FNTA: variants seen among roughly 807,000 people sequenced by gnomAD.
The protein encoded by FNTA is farnesyltransferase, CAAX box, subunit alpha.
Under a neutral mutation model 55.2 loss-of-function variants are expected in FNTA, and 27 were observed. That is an observed-to-expected ratio of 0.49 (90% CI 0.36 to 0.67). The LOEUF (loss-of-function observed/expected upper bound fraction) is 0.67. Ranked by LOEUF, FNTA falls within the 30% of genes least tolerant of loss-of-function variation. The pLI, the probability that FNTA is intolerant of heterozygous loss-of-function variation, is 0.00. For missense variants in FNTA, 422 were observed against 464.7 expected (o/e 0.91, Z 0.85); for synonymous variants, 176 against 170.7 (o/e 1.03, Z -0.24).
chr8:43,064,561 C>T (rs941830250), intron 3 of FNTA, among the ~76,000 whole-genome samples: 2 of 152,048 alleles, frequency 1.3e-5, no homozygotes, highest in Non-Finnish European at 2.9e-5. Flanking sequence ...GTGATCCACT[C>T]CCCGCGGCCT....
chr8:43,077,570 A>G, intron 6 of FNTA: 1 of 367,784 alleles, frequency 2.7e-6, no homozygotes, highest in Non-Finnish European at 4.8e-6. Context: ...AAATATTGCT[A>G]CTGGAGATTG....
chr8:43,064,820 A>G (rs1401272911), intron 3 of FNTA, among the ~76,000 whole-genome samples: 1 of 150,176 alleles, frequency 6.7e-6, no homozygotes, highest in Non-Finnish European at 1.5e-5. Context: ...ATTTTATTTT[A>G]TTTTATTTTA....
At chr8:43,079,679 T>C (rs1586661325) in intron 6 of FNTA, 2 of 152,234 alleles carry the variant, frequency 1.3e-5, no homozygotes, top group South Asian at 4.1e-4. Flanking sequence ...GATTTTAAAG[T>C]CTCACTATTT....
chr8:43,062,641 A>C (rs1201667134), intron 2 of FNTA, among the ~76,000 whole-genome samples: 1 of 152,206 alleles, frequency 6.6e-6, no homozygotes, highest in Non-Finnish European at 1.5e-5. Flanking sequence ...AATTTTGTGA[A>C]GAGGAGTAAT....
intron 6 of FNTA, 36 bp downstream of exon 6, chr8:43,077,400 A>C: frequency 6.4e-7 from 1 of 1,559,512 alleles, no homozygotes; most frequent in Non-Finnish European, 8.8e-7. Context: ...TTCGTTACAA[A>C]CATGTTTGCA....
chr8:43,069,872 G>T (rs1810747536), intron 4 of FNTA, among the ~76,000 whole-genome samples: 2 of 151,818 alleles, frequency 1.3e-5, no homozygotes, highest in Non-Finnish European at 2.9e-5. Flanking sequence ...TCGAACTTCT[G>T]ACCTCAGGTG....
At chr8:43,069,116 T>G (rs767046304) in intron 3 of FNTA, among the ~76,000 whole-genome samples, 2 of 151,224 alleles carry the variant, frequency 1.3e-5, no homozygotes, top group African/African-American at 4.9e-5. Context: ...TATGTATAAT[T>G]TTTTTTTTGG....
chr8:43,071,288 A>G (rs956631995), intron 4 of FNTA, among the ~76,000 whole-genome samples: 38 of 152,184 alleles, frequency 2.5e-4, no homozygotes, highest in African/African-American at 8.4e-4. Context: ...GTTTTAGAAC[A>G]TTTTCACTAA....
chr8:43,077,329 C>A lies in FNTA; in HGVS notation c.747C>A (p.Gly249=), dbSNP rs1387045348. ...ACTTCGTTATTTCTAACACCACTGG[C>A]TACAATGATCGTGCTGTATTGGAGA... ...QRYFVISNTT[G]YNDRAVLERE... is the part of the protein sequence containing the mutation. Residue 249 remains glycine (G), a synonymous_variant, in exon 6 of 9, where the codon GGC becomes GGA. Coordinates refer to ENST00000302279, the MANE Select transcript of FNTA (RefSeq NM_002027.3). 1 of 1,612,952 alleles carries A rather than the reference C, an allele frequency of 6.2e-7. No homozygotes were observed. The highest frequency in any genetic ancestry group is 1.3e-5 in the African/African-American group (1 of 74,900).
At chr8:43,078,704 G>C (rs1194459998) in intron 6 of FNTA, 1 of 152,182 alleles carries the variant, frequency 6.6e-6, no homozygotes, top group Non-Finnish European at 1.5e-5. Flanking sequence ...AGTGTCCTCT[G>C]AGTGTTCAAG....
intron 5 of FNTA, among the ~76,000 whole-genome samples, chr8:43,074,323 C>T (rs1001357062): frequency 7.2e-5 from 11 of 152,102 alleles, no homozygotes; most frequent in Non-Finnish European, 1.3e-4. Context: ...CAGGAGTTCA[C>T]GACTAGCCTG....
chr8:43,056,364 G>C lies in FNTA; in HGVS notation c.18G>C (p.Gly6=), dbSNP rs536925174. 1.4e-6 allele frequency: 2 copies of C among 1,450,996 alleles called. No individual in the cohort carries two copies. The highest frequency in any genetic ancestry group is 1.5e-5 in the African/African-American group (1 of 67,774). 89.9% of individuals were successfully genotyped at this position (1,450,996 alleles called of 1,614,324 possible). The change falls in exon 1 of 9, where the codon GGG becomes GGC. Residue 6 remains glycine, a synonymous_variant. Coordinates refer to ENST00000302279, the MANE Select transcript of FNTA (RefSeq NM_002027.3). MAATE[G]VGEAAQGGEP... ...GAGGCGAGATGGCGGCCACCGAGGG[G>C]GTCGGGGAGGCTGCGCAAGGGGGCG...
chr8:43,081,110 A>AT (rs896112360), intron 6 of FNTA: 1 of 151,894 alleles, frequency 6.6e-6, no homozygotes, highest in African/African-American at 2.4e-5. Flanking sequence ...TATTTTTGTC[A>AT]TTTTTTTCTT....
intron 2 of FNTA, 65 bp downstream of exon 2, chr8:43,059,242 A>G: frequency 9.1e-7 from 1 of 1,096,220 alleles, no homozygotes; most frequent in Non-Finnish European, 1.3e-6. Context: ...GGAATTCACA[A>G]CTATGTAGCA....
rs756066535 is a variant in FNTA, at chr8:43,084,810, G to A, written c.946G>A (p.Val316Met). ...HSSPYLIAFL[V>M]DIYEDMLENQ... ...TTCCCCCTACCTAATTGCCTTTCTT[G>A]TGGATATCTATGAAGACATGCTAGA... is the stretch of plus-strand genomic sequence containing the variant. Residue 316 changes from valine (V) to methionine (M), a missense_variant, in exon 8 of 9, where the codon GTG becomes ATG. Val to Met is a conservative substitution (Grantham distance 21). Transcript: ENST00000302279. 3.1e-6 allele frequency: 5 copies of A among 1,613,692 alleles called. No individual in the cohort carries two copies. Among genetic ancestry groups the A allele is most frequent in the Admixed American group, 1.7e-5 (1 of 59,976 alleles).
chr8:43,061,475 T>G (rs1215845996), intron 2 of FNTA, among the ~76,000 whole-genome samples: 1 of 152,234 alleles, frequency 6.6e-6, no homozygotes, highest in Non-Finnish European at 1.5e-5. Flanking sequence ...ACTGTCTGGC[T>G]CATAGTAAGC....
At chr8:43,071,181 A>C (rs1810781742) in intron 4 of FNTA, among the ~76,000 whole-genome samples, 1 of 152,114 alleles carries the variant, frequency 6.6e-6, no homozygotes, top group Admixed American at 6.6e-5. Context: ...CGTTTTATTG[A>C]GATATAGTTC....
At chr8:43,068,523 A>G (rs1810712549) in intron 3 of FNTA, among the ~76,000 whole-genome samples, 1 of 152,170 alleles carries the variant, frequency 6.6e-6, no homozygotes, top group African/African-American at 2.4e-5. Flanking sequence ...TTATAATAGA[A>G]TTAATTTATT....
At chr8:43,071,866 A>G (rs540039892) in intron 4 of FNTA, among the ~76,000 whole-genome samples, 1 of 152,310 alleles carries the variant, frequency 6.6e-6, no homozygotes, top group South Asian at 2.1e-4. Context: ...TGTTAAGTAG[A>G]GGAACTTATA....
Sources: allele counts gnomAD v4.1 joint callset (sites outside exome capture counted in the v4.1 genomes callset), GRCh38; gene constraint gnomAD v4.1.1; transcripts MANE v1.5; gene names NCBI Gene and HGNC (gene_info 2026-07-23, HGNC 2026-07-21).